Variants in ELSPBP1 observed in about 807,000 individuals in gnomAD.
ELSPBP1 encodes epididymal sperm binding protein 1, also known as epididymal sperm-binding protein 1.
Under a neutral mutation model 33.3 loss-of-function variants are expected in ELSPBP1, and 38 were observed. The ratio of observed to expected loss-of-function variants is 1.14; its 90% CI spans 0.88 to 1.50. ELSPBP1 has a LOEUF of 1.50. Ranked by LOEUF, ELSPBP1 falls within the 40% of genes most tolerant of loss-of-function variation. The pLI is 0.00. For missense variants in ELSPBP1, 267 were observed against 263.5 expected (o/e 1.01, Z -0.09); for synonymous variants, 85 against 94.1 (o/e 0.90, Z 0.56).
intron 4 of ELSPBP1, among the ~76,000 whole-genome samples, chr19:48,018,978 AC>A (rs1435392199): frequency 6.6e-6 from 1 of 152,070 alleles, no homozygotes; most frequent in Non-Finnish European, 1.5e-5. Context: ...ACATGGTGAA[AC>A]CCCTTCTCTA....
rs1568409110 is a variant in ELSPBP1, at chr19:48,022,176, C to T, written c.521C>T (p.Ser174Phe). 3.7e-6 allele frequency: 6 copies of T among 1,611,386 alleles called. No homozygotes were observed. Among genetic ancestry groups the T allele is most frequent in the Non-Finnish European group, 4.2e-6 (5 of 1,178,778 alleles). The change falls in exon 6 of 7, where the codon TCC (serine) becomes TTC (phenylalanine). Residue 174 changes from serine to phenylalanine, a missense_variant. Transcript: ENST00000339841. ...KWSFCADTRI[S>F]ALVPGFPCHF... ...ATCCCCTTCTGCTTCCTAGGAATTTCCGCGTTGGTCCCTGGCTTTCCTTGT... is the reference window on the plus strand; with the variant it reads ...ATCCCCTTCTGCTTCCTAGGAATTTTCGCGTTGGTCCCTGGCTTTCCTTGT...
intron 2 of ELSPBP1, 128 bp from the exon 3 acceptor site, chr19:48,014,043 T>C (rs1275570370): frequency 2.7e-6 from 3 of 1,100,324 alleles, no homozygotes; most frequent in Non-Finnish European, 2.7e-6. Context: ...TTTTAACATA[T>C]GAATTTTGCG....
intron 1 of ELSPBP1, among the ~76,000 whole-genome samples, chr19:48,005,902 A>G (rs973822511): frequency 1.3e-5 from 2 of 152,148 alleles, no homozygotes; most frequent in East Asian, 1.9e-4. Context: ...GCTACTTCCT[A>G]TCAGGATTAC....
In ELSPBP1 at chr19:48,020,248, T is replaced by C. The variant is rs1478049750; in HGVS notation, c.514+371T>C. 2.6e-5 allele frequency among the ~76,000 whole-genome samples: 4 copies of C among 151,986 alleles called. No homozygotes were observed. In the East Asian group the frequency reaches 7.7e-4, roughly 29 times the overall value. On this transcript the variant is annotated intron_variant, in intron 5 of 6. Coordinates refer to ENST00000339841, the MANE Select transcript of ELSPBP1 (RefSeq NM_022142.5). ...GGGAGGATCACTTGAGCCTGGGAGG[T>C]TGAGGCTGCAGTGAGCTGTGATCAC...
intron 1 of ELSPBP1, among the ~76,000 whole-genome samples, chr19:48,007,105 G>A (rs1029302505): frequency 2.0e-5 from 3 of 152,044 alleles, no homozygotes; most frequent in African/African-American, 2.4e-5. Context: ...CCTGACCTTG[G>A]CTTTAATAAT....
At chr19:48,021,037 G>T (rs62129083) in intron 5 of ELSPBP1, among the ~76,000 whole-genome samples, 71,962 of 152,032 alleles carry the variant, frequency 0.47, 17,898 homozygotes, top group East Asian at 0.78. Flanking sequence ...GCCTCAAGCT[G>T]CTGTGGATAG....
Position 48,019,834 on chromosome 19 carries a change from G to T in ELSPBP1, c.471G>T (p.Glu157Asp), listed in dbSNP as rs753346839. 4.4e-6 allele frequency: 7 copies of T among 1,593,734 alleles called. No individual in the cohort carries two copies. Among genetic ancestry groups the T allele is most frequent in the African/African-American group, 1.3e-5 (1 of 74,482 alleles). The change falls in exon 5 of 7, where the codon GAG becomes GAT. Residue 157 changes from glutamate to aspartate, a missense_variant. Coordinates refer to ENST00000339841, the MANE Select transcript of ELSPBP1 (RefSeq NM_022142.5). ...ESNKLWCPTT[E>D]NMDKDGKWSF... The stretch of plus-strand genomic sequence containing the variant: ...ACAAGCTCTGGTGCCCAACCACAGA[G>T]AACATGGATAAGGATGGAAAGTGGA...
At position 47,996,033 on chromosome 19, in the gene ELSPBP1, G is replaced by A. The variant is rs550066249; in HGVS notation, c.-18+1222G>A. Among the ~76,000 whole-genome samples the A allele has an allele frequency of 3.3e-5, 5 of 152,284 alleles. No homozygotes were observed. In the South Asian group the frequency reaches 1.0e-3, roughly 32 times the overall value. ...TTTTCCATGTTGGGTGGTAGATATTGGTGCCAATGTCTTATCTATAGCTGT... is the reference window on the plus strand; with the variant it reads ...TTTTCCATGTTGGGTGGTAGATATTAGTGCCAATGTCTTATCTATAGCTGT... On this transcript the variant is annotated intron_variant, in intron 1 of 6. Transcript: ENST00000339841.
At chr19:48,003,872 G>A (rs769410891) in intron 1 of ELSPBP1, among the ~76,000 whole-genome samples, 5 of 149,620 alleles carry the variant, frequency 3.3e-5, no homozygotes, top group South Asian at 4.3e-4. Context: ...AACCCCTCCC[G>A]TGGCTTCTGG....
chr19:48,007,397 T>C (rs1967032711), intron 1 of ELSPBP1, among the ~76,000 whole-genome samples: 1 of 152,072 alleles, frequency 6.6e-6, no homozygotes. Context: ...GTGGAGATGA[T>C]CATGCCTGCC....
At position 47,995,687 on chromosome 19, in the gene ELSPBP1, C is replaced by A. The variant is rs115112918; in HGVS notation, c.-18+876C>A. On this transcript the variant is annotated intron_variant, in intron 1 of 6. Coordinates refer to ENST00000339841, the MANE Select transcript of ELSPBP1 (RefSeq NM_022142.5). ...AGAAGGACTCATTATTTTGAAGGTA[C>A]ACTATACTTCAGTGACTTTACAGCC... Among the ~76,000 whole-genome samples the A allele has an allele frequency of 3.9e-3, 590 of 152,230 alleles. 1 individual carries two copies. Among genetic ancestry groups the A allele is most frequent in the African/African-American group, 0.014 (563 of 41,534 alleles).
At chr19:48,023,488 G>GAGGAGGGAAGGAAGGGAGGA (rs1967231215) in intron 6 of ELSPBP1, among the ~76,000 whole-genome samples, 1 of 44,708 alleles carries the variant, frequency 2.2e-5, no homozygotes, top group Non-Finnish European at 7.3e-5. Flanking sequence ...GGAGGGAAGG[G>GAGGAGGGAAGGAAGGGAGGA]AGGGAGGGAA....
intron 1 of ELSPBP1, 52 bp from the exon 2 acceptor site, chr19:48,008,599 G>C: frequency 7.7e-7 from 1 of 1,305,562 alleles, no homozygotes; most frequent in Non-Finnish European, 1.1e-6. Context: ...AGGAGGTAAT[G>C]GGAAGAGGAA....
At chr19:48,020,907 G>C (rs1186967081) in intron 5 of ELSPBP1, among the ~76,000 whole-genome samples, 1 of 152,218 alleles carries the variant, frequency 6.6e-6, no homozygotes, top group Non-Finnish European at 1.5e-5. Context: ...AGTCCGAATA[G>C]CTGTGGGTGG....
rs1966956492 is a variant in ELSPBP1, at chr19:48,000,474, T to G, written c.-18+5663T>G. 2.0e-5 allele frequency among the ~76,000 whole-genome samples: 3 copies of G among 150,936 alleles called. No homozygotes were observed. In the South Asian group the frequency reaches 6.4e-4, roughly 32 times the overall value. On this transcript the variant is annotated intron_variant, in intron 1 of 6. Coordinates refer to ENST00000339841, the MANE Select transcript of ELSPBP1 (RefSeq NM_022142.5). ...CAAGCTGGTCTCTAACTCATGACCT[T>G]GTGATTCGCCCTCCTCGGCCTCCCA...
intron 5 of ELSPBP1, 111 bp downstream of exon 5, chr19:48,019,988 G>A (rs1455659018): frequency 1.3e-5 from 15 of 1,132,952 alleles, no homozygotes; most frequent in Non-Finnish European, 1.7e-5. Context: ...GGGCACTGAG[G>A]ATCTGGTGAT....
chr19:48,014,393 C>G (rs1967109724), intron 3 of ELSPBP1, 85 bp downstream of exon 3: 1 of 1,471,542 alleles, frequency 6.8e-7, no homozygotes, highest in East Asian at 2.4e-5. Context: ...ATGACATGAT[C>G]ACATTTTTGC....
At chr19:48,000,343 C>T (rs1174281447) in intron 1 of ELSPBP1, among the ~76,000 whole-genome samples, 1 of 151,432 alleles carries the variant, frequency 6.6e-6, no homozygotes, top group African/African-American at 2.4e-5. Flanking sequence ...TGGGTTCAAG[C>T]AATTCTCCTG....
chr19:47,998,162 C>T (rs2122286028), intron 1 of ELSPBP1, among the ~76,000 whole-genome samples: 1 of 152,206 alleles, frequency 6.6e-6, no homozygotes, highest in South Asian at 2.1e-4. Flanking sequence ...TCCTGTAATC[C>T]CAGCACTTAG....
Sources: gnomAD v4.1 joint callset for allele counts (sites outside exome capture counted in the v4.1 genomes callset) on GRCh38, gnomAD v4.1.1 for gene constraint, MANE v1.5 for transcripts, NCBI Gene and HGNC (gene_info 2026-07-23, HGNC 2026-07-21) for gene names.